The following GRIA1 variants were observed in gnomAD, a reference collection of about 807,000 sequenced individuals.
GRIA1 encodes the protein glutamate receptor 1.
A neutral mutation model predicts 99.2 loss-of-function variants in GRIA1; 31 were observed. The observed-to-expected ratio is 0.31, with a 90% CI of 0.23 to 0.42. The LOEUF (loss-of-function observed/expected upper bound fraction) is 0.42. Among genes scored for constraint, GRIA1 ranks in the 10% least tolerant of loss-of-function variants. GRIA1 has a pLI of 1.00. For synonymous variants in GRIA1, 438 were observed against 432.4 expected (o/e 1.01, Z -0.16); for missense variants, 782 against 1,157.5 (o/e 0.68, Z 4.71).
Position 153,811,518 on chromosome 5 carries a change from G to C in GRIA1, c.*293G>C. On this transcript the variant is annotated 3_prime_UTR_variant, in exon 16 of 16. Coordinates refer to ENST00000285900, the MANE Select transcript of GRIA1 (RefSeq NM_000827.4). Reference sequence around the variant, plus strand: ...TCTAATGAAACCTGTGTCTCTGAGAGTAGAGTCACTGGAACACTAATGAGG... The same window carrying C: ...TCTAATGAAACCTGTGTCTCTGAGACTAGAGTCACTGGAACACTAATGAGG... The C allele has an allele frequency of 2.8e-6, 1 of 359,578 alleles. No individual in the cohort carries two copies. Among genetic ancestry groups the C allele is most frequent in the Non-Finnish European group, 5.3e-6 (1 of 189,576 alleles). The allele number at this position is 359,578 out of a possible 1,614,324, so 22.3% of individuals were successfully genotyped here. A position where few individuals can be genotyped will look rare whatever the true frequency, so the allele number is the denominator to read the frequency against.
At chr5:153,751,862 G>T (rs1413053582) in intron 11 of GRIA1, among the ~76,000 whole-genome samples, 2 of 152,204 alleles carry the variant, frequency 1.3e-5, no homozygotes, top group Non-Finnish European at 2.9e-5. Context: ...GAGACAGCCT[G>T]CTTCCAGCAC....
At chr5:153,719,210 C>T (rs1759876413) in intron 11 of GRIA1, among the ~76,000 whole-genome samples, 1 of 152,158 alleles carries the variant, frequency 6.6e-6, no homozygotes, top group South Asian at 2.1e-4. Context: ...GGGCTTAGTT[C>T]TGCCTCTTAC....
rs1426668728 is a variant in GRIA1, at chr5:153,812,140, C to A, written c.*915C>A. The A allele has an allele frequency of 6.6e-6, 1 of 151,944 alleles. No homozygotes were observed. Among genetic ancestry groups the A allele is most frequent in the Non-Finnish European group, 1.5e-5 (1 of 68,022 alleles). 9.4% of individuals were successfully genotyped at this position (151,944 alleles called of 1,614,324 possible). ...GCTGAAGGCACTTGGCCTCCTAAAC[C>A]AAGCAGAATTTTGGGAAGAGATAAC... On this transcript the variant is annotated 3_prime_UTR_variant, in exon 16 of 16. Coordinates refer to ENST00000285900, the MANE Select transcript of GRIA1 (RefSeq NM_000827.4).
intron 2 of GRIA1, among the ~76,000 whole-genome samples, chr5:153,543,058 TA>T (rs1252922097): frequency 6.6e-6 from 1 of 152,240 alleles, no homozygotes; most frequent in Admixed American, 6.5e-5. Context: ...TCATAACTAG[TA>T]AATGTTTTGC....
intron 11 of GRIA1, among the ~76,000 whole-genome samples, chr5:153,730,472 A>G (rs1035571489): frequency 2.6e-5 from 4 of 152,122 alleles, no homozygotes; most frequent in African/African-American, 4.8e-5. Flanking sequence ...GTTTAACAGT[A>G]CGTGCAAAAA....
chr5:153,797,794 C>T (rs2149665361), intron 14 of GRIA1, among the ~76,000 whole-genome samples: 1 of 152,292 alleles, frequency 6.6e-6, no homozygotes, highest in Middle Eastern at 3.4e-3. Context: ...CAGTATTTGC[C>T]TTGCTGATTA....
At chr5:153,575,556 T>C (rs567243299) in intron 2 of GRIA1, among the ~76,000 whole-genome samples, 2 of 152,304 alleles carry the variant, frequency 1.3e-5, no homozygotes, top group South Asian at 4.1e-4. Context: ...TTCAAAACTC[T>C]ATGAGGCTAC....
At chr5:153,567,819 TA>T (rs1265566496) in intron 2 of GRIA1, among the ~76,000 whole-genome samples, 1 of 151,814 alleles carries the variant, frequency 6.6e-6, no homozygotes, top group Non-Finnish European at 1.5e-5. Context: ...GTGTGGTGAA[TA>T]AGGGAAAGAA....
chr5:153,726,535 G>A (rs371157685), intron 11 of GRIA1, among the ~76,000 whole-genome samples: 7 of 151,828 alleles, frequency 4.6e-5, no homozygotes, highest in Non-Finnish European at 8.8e-5. Context: ...TCAAATAGAT[G>A]CAATAAAAAA....
At chr5:153,620,537 A>G (rs1470475506) in intron 2 of GRIA1, among the ~76,000 whole-genome samples, 2 of 152,206 alleles carry the variant, frequency 1.3e-5, no homozygotes, top group African/African-American at 2.4e-5. Flanking sequence ...TCTGCTTGTT[A>G]CACATGAGCC....
In GRIA1 at chr5:153,774,162, T is replaced by C. The variant is rs572682960; in HGVS notation, c.2270+3747T>C. ...TGATGCCATTTGACCCAAGACATGGTCAAACTCCAAAGAGTTATGGCAAAC... is the reference window on the plus strand; with the variant it reads ...TGATGCCATTTGACCCAAGACATGGCCAAACTCCAAAGAGTTATGGCAAAC... On this transcript the variant is annotated intron_variant, in intron 13 of 15. Transcript: ENST00000285900. Among the ~76,000 whole-genome samples, 3 of 144,506 alleles carry C rather than the reference T, an allele frequency of 2.1e-5. No homozygotes were observed. The South Asian group carries it at 6.6e-4, about 32-fold the overall frequency. 94.8% of individuals were successfully genotyped at this position (144,506 alleles called of 152,430 possible). A position where few individuals can be genotyped will look rare whatever the true frequency, so the allele number is the denominator to read the frequency against.
intron 2 of GRIA1, among the ~76,000 whole-genome samples, chr5:153,514,115 G>A (rs1367894573): frequency 2.0e-5 from 3 of 152,210 alleles, no homozygotes; most frequent in African/African-American, 7.2e-5. Flanking sequence ...TCCTGGCTGT[G>A]TAGGTGGCAA....
At chr5:153,619,483 T>G (rs1484017837) in intron 2 of GRIA1, among the ~76,000 whole-genome samples, 1 of 152,132 alleles carries the variant, frequency 6.6e-6, no homozygotes, top group African/African-American at 2.4e-5. Flanking sequence ...CTGTGTCTAC[T>G]GAGAGACAGG....
chr5:153,687,325 T>C (rs1270640805), intron 8 of GRIA1, among the ~76,000 whole-genome samples: 3 of 152,078 alleles, frequency 2.0e-5, no homozygotes, highest in East Asian at 3.9e-4. Context: ...TAGTCTGGGG[T>C]TCCGGATAAT....
chr5:153,709,344 A>ATT (rs773519343), intron 11 of GRIA1, among the ~76,000 whole-genome samples: 3 of 152,174 alleles, frequency 2.0e-5, no homozygotes, highest in Non-Finnish European at 4.4e-5. Flanking sequence ...ACCCTTCCTA[A>ATT]TTTAGTATTT....
intron 13 of GRIA1, among the ~76,000 whole-genome samples, chr5:153,783,047 CAG>C (rs1305326185): frequency 3.3e-5 from 5 of 152,144 alleles, no homozygotes; most frequent in Non-Finnish European, 5.9e-5. Flanking sequence ...CCTGCAGGAG[CAG>C]AGTTTTCTTC....
At chr5:153,756,069 A>G (rs1421677809) in intron 11 of GRIA1, among the ~76,000 whole-genome samples, 4 of 152,208 alleles carry the variant, frequency 2.6e-5, no homozygotes, top group African/African-American at 4.8e-5. Flanking sequence ...TTGCCAGTGG[A>G]TCTGAAAGTT....
chr5:153,555,219 C>T (rs1460243549), intron 2 of GRIA1, among the ~76,000 whole-genome samples: 2 of 151,376 alleles, frequency 1.3e-5, no homozygotes, highest in African/African-American at 4.9e-5. Context: ...AAAAAAGAAC[C>T]AATAATGATC....
intron 11 of GRIA1, among the ~76,000 whole-genome samples, chr5:153,710,048 C>T (rs1273663703): frequency 6.6e-6 from 1 of 152,094 alleles, no homozygotes; most frequent in Non-Finnish European, 1.5e-5. Context: ...TTTAAAGACT[C>T]CTCCACCCAC....
Sources: allele counts gnomAD v4.1 joint callset (sites outside exome capture counted in the v4.1 genomes callset), GRCh38; gene constraint gnomAD v4.1.1; transcripts MANE v1.5; gene names NCBI Gene and HGNC (gene_info 2026-07-23, HGNC 2026-07-21).